The following TMOD3 variants were observed in gnomAD, a reference collection of about 807,000 sequenced individuals.
The protein encoded by TMOD3 is tropomodulin 3, also known as tropomodulin-3.
TMOD3 carries 20 observed loss-of-function variants against 39.2 expected under a neutral mutation model. That is an observed-to-expected ratio of 0.51 (90% CI 0.36 to 0.74). The LOEUF (loss-of-function observed/expected upper bound fraction) is 0.74, where lower values mean the gene tolerates loss of function less well. Ranked by LOEUF, TMOD3 falls within the 30% of genes least tolerant of loss-of-function variation. The probability of loss-of-function intolerance (pLI) is 0.00; values close to 1 mark genes in which losing one functional copy is unlikely to be tolerated. For missense variants in TMOD3, 381 were observed against 412.8 expected (o/e 0.92, Z 0.67); for synonymous variants, 143 against 145.8 (o/e 0.98, Z 0.14).
intron 1 of TMOD3, chr15:51,859,811 C>T (rs2056407577): frequency 2.1e-5 from 11 of 511,808 alleles, no homozygotes; most frequent in South Asian, 1.1e-4. Flanking sequence ...ACTGCCACCT[C>T]TAGAGCTTTC....
Position 51,915,654 on chromosome 15 carries a change from G to A in TMOD3, c.*6844G>A, listed in dbSNP as rs1046803518. On this transcript the variant is annotated 3_prime_UTR_variant, in exon 10 of 10. Coordinates refer to ENST00000308580, the MANE Select transcript of TMOD3 (RefSeq NM_014547.5). Reference sequence around the variant, plus strand: ...AAGTTTCTTTTGAAGACTATGTACTGGAAGCATTTAGAACTTACCAATATA... The same window carrying A: ...AAGTTTCTTTTGAAGACTATGTACTAGAAGCATTTAGAACTTACCAATATA... The A allele has an allele frequency of 1.3e-5, 2 of 152,000 alleles. No individual in the cohort carries two copies. Among genetic ancestry groups the A allele is most frequent in the Non-Finnish European group, 2.9e-5 (2 of 68,002 alleles). 9.4% of individuals were successfully genotyped at this position (152,000 alleles called of 1,614,324 possible).
chr15:51,837,599 T>G (rs2056292926), intron 1 of TMOD3, among the ~76,000 whole-genome samples: 1 of 152,100 alleles, frequency 6.6e-6, no homozygotes, highest in African/African-American at 2.4e-5. Context: ...GGTGAAAAAT[T>G]ACAGAACCCT....
chr15:51,906,255 T>C (rs1336919498), intron 9 of TMOD3, among the ~76,000 whole-genome samples: 2 of 152,186 alleles, frequency 1.3e-5, no homozygotes, highest in Non-Finnish European at 2.9e-5. Flanking sequence ...TTCTGACATA[T>C]TGGTCTCAGC....
At chr15:51,870,959 A>G (rs1039288747) in intron 3 of TMOD3, among the ~76,000 whole-genome samples, 2 of 152,182 alleles carry the variant, frequency 1.3e-5, no homozygotes, top group East Asian at 1.9e-4. Context: ...AAGGCCTTCA[A>G]CTGATTAAAT....
chr15:51,878,402 G>GTGTGTGTA (rs2056516416), intron 3 of TMOD3, among the ~76,000 whole-genome samples: 1 of 151,910 alleles, frequency 6.6e-6, no homozygotes, highest in South Asian at 2.1e-4. Flanking sequence ...GTGTGTGTGT[G>GTGTGTGTA]TGTGTAAAAC....
Position 51,877,088 on chromosome 15 carries a change from A to T in TMOD3, c.283+7715A>T, listed in dbSNP as rs151119312. 1.8e-4 allele frequency among the ~76,000 whole-genome samples: 27 copies of T among 152,228 alleles called. No homozygotes were observed. In the East Asian group the frequency reaches 5.0e-3, roughly 28 times the overall value. Reference sequence around the variant, plus strand: ...AAAAAAAATAAAGAAAAAGTCTTCTATGCCTCTACTTCACTTTTTGAACAT... The same window carrying T: ...AAAAAAAATAAAGAAAAAGTCTTCTTTGCCTCTACTTCACTTTTTGAACAT... On this transcript the variant is annotated intron_variant, in intron 3 of 9. Transcript: ENST00000308580.
At chr15:51,880,093 A>C (rs2056525563) in intron 3 of TMOD3, among the ~76,000 whole-genome samples, 1 of 152,190 alleles carries the variant, frequency 6.6e-6, no homozygotes, top group Admixed American at 6.5e-5. Context: ...ATGTTTAGAA[A>C]GGTATTTTAT....
At chr15:51,864,189 CAG>C (rs2141685487) in intron 2 of TMOD3, among the ~76,000 whole-genome samples, 1 of 147,294 alleles carries the variant, frequency 6.8e-6, no homozygotes, top group South Asian at 2.1e-4. Context: ...TTGCTTGAGC[CAG>C]AGAGGTGGAA....
chr15:51,908,123 A>G (rs1164488958), intron 9 of TMOD3, among the ~76,000 whole-genome samples: 1 of 152,258 alleles, frequency 6.6e-6, no homozygotes, highest in African/African-American at 2.4e-5. Flanking sequence ...ATATTCTTTT[A>G]CAGCCTAAGG....
intron 3 of TMOD3, among the ~76,000 whole-genome samples, chr15:51,878,039 C>G (rs1299761042): frequency 6.6e-6 from 1 of 152,238 alleles, no homozygotes; most frequent in East Asian, 1.9e-4. Context: ...CCTTCAAACA[C>G]TGGCTGCCTT....
intron 1 of TMOD3, among the ~76,000 whole-genome samples, chr15:51,830,954 C>G (rs1206899001): frequency 6.6e-6 from 1 of 152,134 alleles, no homozygotes; most frequent in African/African-American, 2.4e-5. Flanking sequence ...TAAAATGTCC[C>G]AATATATTTT....
chr15:51,885,704 A>C (rs1159736752), intron 3 of TMOD3, among the ~76,000 whole-genome samples: 1 of 152,218 alleles, frequency 6.6e-6, no homozygotes. Context: ...ACACAGACAC[A>C]GCAACAATCC....
chr15:51,838,709 G>A (rs1284302385), intron 1 of TMOD3, among the ~76,000 whole-genome samples: 2 of 152,136 alleles, frequency 1.3e-5, no homozygotes, highest in Non-Finnish European at 2.9e-5. Flanking sequence ...TGAGGCAGGT[G>A]CCTCCTTTAC....
intron 1 of TMOD3, among the ~76,000 whole-genome samples, chr15:51,853,750 G>A (rs1422946512): frequency 3.4e-5 from 5 of 149,024 alleles, no homozygotes; most frequent in Non-Finnish European, 5.9e-5. Context: ...TTGAGGCTGC[G>A]CCACTGCACT....
chr15:51,896,510 A>G lies in TMOD3; in HGVS notation c.719A>G (p.Asn240Ser), dbSNP rs183172233. 45 of 1,613,882 alleles carry G rather than the reference A, an allele frequency of 2.8e-5. 1 individual carries two copies. In the South Asian group the frequency reaches 4.5e-4, roughly 16 times the overall value. Residue 240 changes from asparagine to serine, a missense_variant, in exon 7 of 10, where the codon AAT becomes AGT. By Grantham distance (46) the Asn-to-Ser change is conservative. Coordinates refer to ENST00000308580, the MANE Select transcript of TMOD3 (RefSeq NM_014547.5). Reference protein sequence around the residue: ...KCFSLAATRSNDPVATAFAEM... With the variant: ...KCFSLAATRSSDPVATAFAEM... Reference sequence around the variant, plus strand: ...TTCAGTCTTGCAGCCACCCGGAGCAATGACCCTGTTGCTACTGTAAGTAAG... The same window carrying G: ...TTCAGTCTTGCAGCCACCCGGAGCAGTGACCCTGTTGCTACTGTAAGTAAG...
At chr15:51,891,047 C>A (rs1318070663) in intron 5 of TMOD3, among the ~76,000 whole-genome samples, 8 of 152,128 alleles carry the variant, frequency 5.3e-5, no homozygotes, top group Admixed American at 4.6e-4. Flanking sequence ...TTAATGTAAT[C>A]ATGATGCCAT....
intron 6 of TMOD3, among the ~76,000 whole-genome samples, chr15:51,895,963 C>G (rs1434796436): frequency 6.6e-6 from 1 of 152,056 alleles, no homozygotes; most frequent in Non-Finnish European, 1.5e-5. Context: ...ACAAAATTAG[C>G]TGGACCTGGT....
chr15:51,863,253 C>G (rs931947765), intron 2 of TMOD3, among the ~76,000 whole-genome samples: 1 of 152,058 alleles, frequency 6.6e-6, no homozygotes, highest in South Asian at 2.1e-4. Flanking sequence ...AAATTTTTTC[C>G]TCCTCTAAGA....
At chr15:51,863,090 T>C in intron 2 of TMOD3, 80 bp downstream of exon 2, 1 of 1,463,386 alleles carries the variant, frequency 6.8e-7, no homozygotes, top group Non-Finnish European at 9.3e-7. Flanking sequence ...AGCTTTTCCA[T>C]GACTTTTCTC....
Sources: gnomAD v4.1 joint callset for allele counts (sites outside exome capture counted in the v4.1 genomes callset) on GRCh38, gnomAD v4.1.1 for gene constraint, MANE v1.5 for transcripts, NCBI Gene and HGNC (gene_info 2026-07-23, HGNC 2026-07-21) for gene names.